Variants in LAMA1 observed in about 807,000 individuals in gnomAD.
The protein encoded by LAMA1 is laminin subunit alpha 1, also known as laminin subunit alpha-1.
LAMA1 carries 219 observed loss-of-function variants against 348.7 expected under a neutral mutation model. The observed-to-expected ratio is 0.63, with a 90% confidence interval of 0.56 to 0.70. LAMA1 has a LOEUF of 0.70. Ranked by LOEUF, LAMA1 falls within the 30% of genes least tolerant of loss-of-function variation. The pLI is 0.00. For missense variants in LAMA1, 3,744 were observed against 3,888.0 expected (o/e 0.96, Z 0.99); for synonymous variants, 1,487 against 1,491.0 (o/e 1.00, Z 0.06).
intron 56 of LAMA1, chr18:6,955,797 C>T (rs1217505409): frequency 1.5e-5 from 6 of 396,188 alleles, no homozygotes; most frequent in Non-Finnish European, 2.4e-5. Flanking sequence ...CGCCGTGACC[C>T]GAGGTTTTGG....
chr18:7,023,201 C>T lies in LAMA1; in HGVS notation c.2664G>A (p.Gly888=), dbSNP rs771644529. The change falls in exon 19 of 63, where the codon GGG becomes GGA. Residue 888 remains glycine (G), a synonymous_variant. Coordinates refer to ENST00000389658, the MANE Select transcript of LAMA1 (RefSeq NM_005559.4). The part of the protein sequence containing the change: ...DGAHCERCAD[G]FYGDAVTAKN... ...TGGCTGTCACAGCGTCCCCATAGAA[C>T]CCGTCAGCACACCTTTCACAGTGGG... 3.7e-6 allele frequency: 6 copies of T among 1,613,356 alleles called. No individual in the cohort carries two copies. Among genetic ancestry groups the T allele is most frequent in the Non-Finnish European group, 5.1e-6 (6 of 1,179,976 alleles).
chr18:7,012,640 G>A (rs1289051965), intron 23 of LAMA1, among the ~76,000 whole-genome samples: 1 of 150,506 alleles, frequency 6.6e-6, no homozygotes, highest in African/African-American at 2.4e-5. Context: ...CGAGTAGCTG[G>A]GACTACAGGC....
chr18:7,087,004 A>T (rs2058220362), intron 1 of LAMA1, among the ~76,000 whole-genome samples: 1 of 152,222 alleles, frequency 6.6e-6, no homozygotes, highest in Admixed American at 6.5e-5. Context: ...ATAATTTGGT[A>T]ATTCTTTGAT....
At chr18:6,959,625 C>T in intron 53 of LAMA1, 133 bp from the exon 54 acceptor site, 1 of 893,988 alleles carries the variant, frequency 1.1e-6, no homozygotes, top group Non-Finnish European at 1.8e-6. Context: ...ATCTCTTCAG[C>T]TGTCACAATG....
chr18:6,962,883 A>G (rs963460022), intron 51 of LAMA1, among the ~76,000 whole-genome samples: 7 of 152,166 alleles, frequency 4.6e-5, no homozygotes, highest in African/African-American at 1.7e-4. Context: ...GTTCAAGTCA[A>G]TATCATATTT....
At chr18:6,948,870 G>A (rs1034182722) in intron 59 of LAMA1, among the ~76,000 whole-genome samples, 2 of 152,148 alleles carry the variant, frequency 1.3e-5, no homozygotes, top group Admixed American at 6.5e-5. Flanking sequence ...CTGTGGCCAC[G>A]TGGCTGCGGA....
In LAMA1 at chr18:7,043,379, C is replaced by A. The variant is rs1276305806; in HGVS notation, c.1003G>T (p.Asp335Tyr). Residue 335 changes from aspartate to tyrosine, a missense_variant, in exon 8 of 63, where the codon GAC becomes TAC. This residue lies in a region of LAMA1 where 1,529 missense variants were observed against 1,689.4 expected (regional missense o/e 0.91). Coordinates refer to ENST00000389658, the MANE Select transcript of LAMA1 (RefSeq NM_005559.4). ...EACNCHNKAK[D>Y]CYYDESVAKQ... ...GCAACACTTTCATCATAGTAACAGT[C>A]TTTGGCTTTATTGTGACAATTACAT... The A allele has an allele frequency of 1.9e-6, 3 of 1,613,552 alleles. No individual in the cohort carries two copies. The highest frequency in any genetic ancestry group is 1.3e-5 in the African/African-American group (1 of 74,916).
chr18:7,024,382 C>T lies in LAMA1; in HGVS notation c.2487G>A (p.Glu829=). The stretch of plus-strand genomic sequence containing the variant: ...TGAAGCCAGTGGATGCAGAGTACCT[C>T]TCACACCAAGCTCCTGAGTAGCCCG... ...CAPGYSGAWC[E]RCADGYYGNP... is the part of the protein sequence containing the mutation. The change falls in exon 18 of 63, where the codon GAG becomes GAA. Residue 829 remains glutamate (E), a splice_region_variant and synonymous_variant. Transcript: ENST00000389658. 6.2e-7 allele frequency: 1 copy of T among 1,613,592 alleles called. No individual in the cohort carries two copies. Among genetic ancestry groups the T allele is most frequent in the Admixed American group, 1.7e-5 (1 of 60,008 alleles).
At chr18:6,999,269 A>G (rs550719866) in intron 32 of LAMA1, among the ~76,000 whole-genome samples, 176 bp downstream of exon 32, 2 of 152,334 alleles carry the variant, frequency 1.3e-5, no homozygotes, top group African/African-American at 4.8e-5. Context: ...TGGAAAACAC[A>G]TGATGAAAGG....
In LAMA1 at chr18:7,042,180, C is replaced by A. The variant is rs1251092027; in HGVS notation, c.1226G>T (p.Cys409Phe). The change falls in exon 9 of 63, where the codon TGT becomes TTT. Residue 409 changes from cysteine to phenylalanine, a missense_variant. Coordinates refer to ENST00000389658, the MANE Select transcript of LAMA1 (RefSeq NM_005559.4). ...GTCAGAATGGAGGTCATCCTTAATA[C>A]AGACAGAACTGAGGGACCCCACAGG... ...CDPVGSLSSV[C>F]IKDDLHSDLH... 1 of 1,612,684 alleles carries A rather than the reference C, an allele frequency of 6.2e-7. No individual in the cohort carries two copies. Among genetic ancestry groups the A allele is most frequent in the Non-Finnish European group, 8.5e-7 (1 of 1,179,204 alleles).
chr18:7,101,506 T>C (rs1378222733), intron 1 of LAMA1, among the ~76,000 whole-genome samples: 1 of 152,132 alleles, frequency 6.6e-6, no homozygotes, highest in Non-Finnish European at 1.5e-5. Flanking sequence ...TGCTTGCTAG[T>C]AAAGGTATGT....
At chr18:7,017,442 G>T in intron 19 of LAMA1, 58 bp from the exon 20 acceptor site, 2 of 1,224,800 alleles carry the variant, frequency 1.6e-6, no homozygotes, top group Non-Finnish European at 2.4e-6. Flanking sequence ...GTTATCATAA[G>T]ATCCGTCATC....
chr18:7,008,678 C>T (rs1421265794), intron 27 of LAMA1, 70 bp from the exon 28 acceptor site: 2 of 1,557,836 alleles, frequency 1.3e-6, no homozygotes, highest in East Asian at 2.2e-5. Context: ...TAGCACATGA[C>T]CTAACACTTG....
intron 1 of LAMA1, among the ~76,000 whole-genome samples, chr18:7,085,696 G>A (rs929698667): frequency 6.6e-6 from 1 of 152,180 alleles, no homozygotes; most frequent in South Asian, 2.1e-4. Flanking sequence ...GGGATTACAG[G>A]CGTGAGCCAC....
intron 57 of LAMA1, chr18:6,954,541 A>T (rs2057565458): frequency 6.5e-6 from 1 of 153,092 alleles, no homozygotes; most frequent in Non-Finnish European, 1.5e-5. Flanking sequence ...TTTAAAGTCG[A>T]GACTGTGAGA....
intron 19 of LAMA1, among the ~76,000 whole-genome samples, chr18:7,020,770 C>T (rs2057911762): frequency 1.3e-5 from 2 of 152,184 alleles, no homozygotes; most frequent in Admixed American, 1.3e-4. Context: ...TACCTGAAGC[C>T]CTCATCAATG....
In LAMA1 at chr18:7,056,434, T is replaced by C. The variant is rs1420769281; in HGVS notation, c.346-5498A>G. Among the ~76,000 whole-genome samples, 7 of 152,224 alleles carry C rather than the reference T, an allele frequency of 4.6e-5. 1 individual carries two copies. Among genetic ancestry groups the C allele is most frequent in the Admixed American group, 3.9e-4 (6 of 15,288 alleles). On this transcript the variant is annotated intron_variant, in intron 3 of 62. Coordinates refer to ENST00000389658, the MANE Select transcript of LAMA1 (RefSeq NM_005559.4). ...TACCACGTGCGTGTTAAGAGCTTTATACATATATCATCACATTTAATCCCA... is the reference window on the plus strand; with the variant it reads ...TACCACGTGCGTGTTAAGAGCTTTACACATATATCATCACATTTAATCCCA...
chr18:7,024,810 C>T (rs1217911237), intron 17 of LAMA1, among the ~76,000 whole-genome samples: 2 of 152,310 alleles, frequency 1.3e-5, no homozygotes, highest in Non-Finnish European at 2.9e-5. Flanking sequence ...GAGGCCTGCT[C>T]GGGTGCTCCT....
chr18:7,078,666 T>C (rs910253005), intron 3 of LAMA1, among the ~76,000 whole-genome samples: 2 of 152,158 alleles, frequency 1.3e-5, no homozygotes, highest in Non-Finnish European at 2.9e-5. Context: ...TGTACATCAA[T>C]ATATGAAGTA....
Sources: allele counts gnomAD v4.1 joint callset (sites outside exome capture counted in the v4.1 genomes callset), GRCh38; gene constraint gnomAD v4.1.1; regional missense constraint gnomAD v4.1.1; transcripts MANE v1.5; gene names NCBI Gene and HGNC (gene_info 2026-07-23, HGNC 2026-07-21).